The following DCDC2 variants were observed in gnomAD, a reference collection of about 807,000 sequenced individuals.
The protein encoded by DCDC2 is doublecortin domain-containing protein 2.
Under a neutral mutation model 50.2 loss-of-function variants are expected in DCDC2, and 40 were observed. The ratio of observed to expected loss-of-function variants is 0.80; its 90% confidence interval spans 0.62 to 1.04. The LOEUF (loss-of-function observed/expected upper bound fraction) is 1.04, where lower values mean the gene tolerates loss of function less well. Among genes scored for constraint, DCDC2 ranks in the 50% least tolerant of loss-of-function variants. DCDC2 has a pLI of 0.00. For missense variants in DCDC2, 570 were observed against 581.9 expected (o/e 0.98, Z 0.21); for synonymous variants, 234 against 210.6 (o/e 1.11, Z -0.96).
At chr6:24,192,947 A>G (rs1761345040) in intron 8 of DCDC2, among the ~76,000 whole-genome samples, 2 of 152,116 alleles carry the variant, frequency 1.3e-5, no homozygotes, top group Admixed American at 6.6e-5. Flanking sequence ...ACCAAGACAC[A>G]TAATTGGAAA....
chr6:24,300,296 CAATT>C (rs1031093753), intron 4 of DCDC2, among the ~76,000 whole-genome samples: 5 of 152,090 alleles, frequency 3.3e-5, no homozygotes, highest in African/African-American at 1.2e-4. Flanking sequence ...GTAAGAGTAT[CAATT>C]GAGTCTGCAC....
At chr6:24,252,222 T>C (rs1414162655) in intron 7 of DCDC2, among the ~76,000 whole-genome samples, 1 of 152,222 alleles carries the variant, frequency 6.6e-6, no homozygotes, top group Non-Finnish European at 1.5e-5. Flanking sequence ...TCCCTTCTTC[T>C]ACCCTACAAC....
chr6:24,179,197 T>C (rs910656942), intron 8 of DCDC2, among the ~76,000 whole-genome samples: 1 of 152,054 alleles, frequency 6.6e-6, no homozygotes, highest in Non-Finnish European at 1.5e-5. Flanking sequence ...CTAAACACAA[T>C]AACTGATTTT....
At chr6:24,343,479 T>C (rs1379372478) in intron 2 of DCDC2, among the ~76,000 whole-genome samples, 1 of 152,256 alleles carries the variant, frequency 6.6e-6, no homozygotes, top group Non-Finnish European at 1.5e-5. Flanking sequence ...TTATACCATA[T>C]GGAAATATAC....
the DCDC2 span, among the ~76,000 whole-genome samples, chr6:24,375,277 G>A: frequency 5.0e-4 from 76 of 152,198 alleles, no homozygotes; most frequent in East Asian, 4.3e-3. Flanking sequence ...CAGTGGCTTC[G>A]GGATGCGGCT....
At chr6:24,280,811 A>C (rs1763453678) in intron 6 of DCDC2, among the ~76,000 whole-genome samples, 1 of 152,062 alleles carries the variant, frequency 6.6e-6, no homozygotes, top group Admixed American at 6.6e-5. Context: ...AAGTGCTGGG[A>C]TTTACATGTG....
Position 24,252,417 on chromosome 6 carries a change from T to A in DCDC2, c.922+25632A>T, listed in dbSNP as rs144358270. On this transcript the variant is annotated intron_variant, in intron 7 of 9. Transcript: ENST00000378454. ...TGATTGGCTCCTTTAACAAATAAGGTCTAAAGGACACAAAGACCATGCTGA... is the reference window on the plus strand; with the variant it reads ...TGATTGGCTCCTTTAACAAATAAGGACTAAAGGACACAAAGACCATGCTGA... Among the ~76,000 whole-genome samples, 93 of 152,158 alleles carry A rather than the reference T, an allele frequency of 6.1e-4. 1 individual carries two copies. The highest frequency in any genetic ancestry group is 1.5e-3 in the East Asian group (8 of 5,186).
intron 6 of DCDC2, among the ~76,000 whole-genome samples, chr6:24,281,993 T>C (rs1229695692): frequency 6.6e-6 from 1 of 152,176 alleles, no homozygotes; most frequent in Non-Finnish European, 1.5e-5. Flanking sequence ...CATAGTATGG[T>C]TCCCTAAAAC....
chr6:24,257,524 C>A (rs930681950), intron 7 of DCDC2, among the ~76,000 whole-genome samples: 1 of 152,154 alleles, frequency 6.6e-6, no homozygotes, highest in Non-Finnish European at 1.5e-5. Flanking sequence ...AAGCTCAACT[C>A]TGGGAGTCTC....
intron 8 of DCDC2, among the ~76,000 whole-genome samples, chr6:24,202,242 T>C (rs546028581): frequency 6.6e-6 from 1 of 152,274 alleles, no homozygotes; most frequent in Non-Finnish European, 1.5e-5. Context: ...AATAAAATAC[T>C]GGCAAACCGA....
intron 1 of DCDC2, 187 bp downstream of exon 1, chr6:24,357,271 C>T: frequency 1.8e-6 from 1 of 570,892 alleles, no homozygotes; most frequent in Non-Finnish European, 2.9e-6. Flanking sequence ...AGTGAAATTC[C>T]TTCTCCAGTC....
At chr6:24,381,593 C>T in the DCDC2 span, among the ~76,000 whole-genome samples, 1 of 152,162 alleles carries the variant, frequency 6.6e-6, no homozygotes, top group Non-Finnish European at 1.5e-5. Context: ...ACAATTTACT[C>T]TCTTACCAGG....
intron 7 of DCDC2, among the ~76,000 whole-genome samples, chr6:24,251,095 G>T (rs1762783804): frequency 6.6e-6 from 1 of 152,178 alleles, no homozygotes; most frequent in Admixed American, 6.5e-5. Context: ...TGACACAGTA[G>T]GAAGAAGCTT....
chr6:24,381,803 A>AAAGAAAGGAAGGAAGGAAGGAAGG, the DCDC2 span, among the ~76,000 whole-genome samples: 1 of 67,262 alleles, frequency 1.5e-5, no homozygotes. Flanking sequence ...GGAAGGAAAG[A>AAAGAAAGGAAGGAAGGAAGGAAGG]AAGGAAGGAA....
At chr6:24,359,196 TTATA>T (rs1203679684), upstream of DCDC2, among the ~76,000 whole-genome samples, 10 of 56,258 alleles carry the variant, frequency 1.8e-4, no homozygotes, top group South Asian at 2.5e-3. Flanking sequence ...ATTTTATATA[TTATA>T]TATATTTTAT....
intron 2 of DCDC2, among the ~76,000 whole-genome samples, chr6:24,333,858 G>T (rs1173978311): frequency 6.6e-6 from 1 of 152,194 alleles, no homozygotes; most frequent in South Asian, 2.1e-4. Context: ...GGTAGAGGTG[G>T]CAGAAGTGGA....
At chr6:24,177,241 T>C (rs1318700) in intron 9 of DCDC2, among the ~76,000 whole-genome samples, 3 of 152,162 alleles carry the variant, frequency 2.0e-5, no homozygotes, top group African/African-American at 7.2e-5. Flanking sequence ...TTATCTCACC[T>C]TGAGAAAAGA....
chr6:24,234,298 C>T (rs1762398873), intron 7 of DCDC2, among the ~76,000 whole-genome samples: 1 of 151,712 alleles, frequency 6.6e-6, no homozygotes, highest in African/African-American at 2.4e-5. Flanking sequence ...AGCGATCAAG[C>T]CCAGCTTAGG....
rs543819229 is a variant in DCDC2, at chr6:24,271,207, C to CAAAAAAAAAAAAAAAAA, written c.922+6825_922+6841dup. ...TGGGTGACAGAGTGAGACACTCCCTCAAAAAAAAAAAAAAAAAAGAGAGAG... is the reference window on the plus strand; with the variant it reads ...TGGGTGACAGAGTGAGACACTCCCTCAAAAAAAAAAAAAAAAAAAAAAAAAAAAAAAAAAAGAGAGAG... On this transcript the variant is annotated intron_variant, in intron 7 of 9. Transcript: ENST00000378454. Among the ~76,000 whole-genome samples the CAAAAAAAAAAAAAAAAA allele has an allele frequency of 1.5e-4, 6 of 39,410 alleles. 1 individual carries two copies. Among genetic ancestry groups the CAAAAAAAAAAAAAAAAA allele is most frequent in the Non-Finnish European group, 2.1e-4 (5 of 23,978 alleles). 25.9% of individuals were successfully genotyped at this position (39,410 alleles called of 152,430 possible). A position where few individuals can be genotyped will look rare whatever the true frequency, so the allele number is the denominator to read the frequency against.
Sources: allele counts gnomAD v4.1 joint callset (sites outside exome capture counted in the v4.1 genomes callset), GRCh38; gene constraint gnomAD v4.1.1; transcripts MANE v1.5; gene names NCBI Gene and HGNC (gene_info 2026-07-23, HGNC 2026-07-21).